The following HACD3 variants were observed in gnomAD, a reference collection of about 807,000 sequenced individuals.
HACD3 encodes the protein very-long-chain (3R)-3-hydroxyacyl-CoA dehydratase 3.
A neutral mutation model predicts 55.2 loss-of-function variants in HACD3; 30 were observed. The ratio of observed to expected loss-of-function variants is 0.54; its 90% CI spans 0.41 to 0.74. HACD3 has a LOEUF of 0.74. HACD3 is among the 30% of genes least tolerant of loss of function. The probability of loss-of-function intolerance (pLI) is 0.00; values close to 1 mark genes in which losing one functional copy is unlikely to be tolerated. For missense variants in HACD3, 363 were observed against 440.1 expected (o/e 0.82, Z 1.57); for synonymous variants, 141 against 151.7 (o/e 0.93, Z 0.52).
At chr15:65,561,210 T>C (rs989885416) in intron 5 of HACD3, among the ~76,000 whole-genome samples, 1 of 152,196 alleles carries the variant, frequency 6.6e-6, no homozygotes, top group Non-Finnish European at 1.5e-5. Flanking sequence ...CTCATGCCTG[T>C]AATCCCAGCA....
At chr15:65,544,798 G>C (rs1343129254) in intron 1 of HACD3, among the ~76,000 whole-genome samples, 1 of 152,174 alleles carries the variant, frequency 6.6e-6, no homozygotes, top group African/African-American at 2.4e-5. Context: ...GAGGCCAGCA[G>C]ATCACCAGAG....
chr15:65,531,022 C>G (rs1374337506), intron 1 of HACD3, among the ~76,000 whole-genome samples: 1 of 152,190 alleles, frequency 6.6e-6, no homozygotes, highest in African/African-American at 2.4e-5. Context: ...AGCCCAGGCC[C>G]GGCCCTGGCT....
chr15:65,561,994 G>T (rs1273181547), intron 5 of HACD3, among the ~76,000 whole-genome samples: 1 of 152,222 alleles, frequency 6.6e-6, no homozygotes, highest in Non-Finnish European at 1.5e-5. Flanking sequence ...TTAGGAGGAA[G>T]TATGGAGGAA....
chr15:65,537,948 AAAAAAAAAAAATATATATATATATATAT>A (rs1283700173), intron 1 of HACD3, among the ~76,000 whole-genome samples: 1,824 of 68,036 alleles, frequency 0.027, 92 homozygotes, highest in East Asian at 0.13. Flanking sequence ...AAAAAAAAAA[AAAAAAAAAAAATATATATATATATATAT>A]ATATATATAT....
At chr15:65,558,981 G>A (rs1336171714) in intron 5 of HACD3, among the ~76,000 whole-genome samples, 2 of 152,196 alleles carry the variant, frequency 1.3e-5, no homozygotes, top group African/African-American at 4.8e-5. Flanking sequence ...CAGAATGAAA[G>A]AACTCCTGGA....
At chr15:65,537,256 C>G (rs556467399) in intron 1 of HACD3, among the ~76,000 whole-genome samples, 30 of 152,288 alleles carry the variant, frequency 2.0e-4, no homozygotes, top group African/African-American at 7.0e-4. Flanking sequence ...GCAAGTTATC[C>G]AGAAGATCTA....
intron 7 of HACD3, among the ~76,000 whole-genome samples, chr15:65,568,280 T>G (rs760606137): frequency 2.0e-5 from 3 of 151,958 alleles, no homozygotes; most frequent in Non-Finnish European, 4.4e-5. Context: ...ATGGTGATTA[T>G]GGTTGCACAA....
At chr15:65,561,668 T>TC (rs1185288986) in intron 5 of HACD3, among the ~76,000 whole-genome samples, 1 of 152,042 alleles carries the variant, frequency 6.6e-6, no homozygotes, top group African/African-American at 2.4e-5. Context: ...GTGGGTTTTT[T>TC]CCCCCACATA....
rs199819573 is a variant in HACD3 at position 65,570,157 on chromosome 15, G to C, written c.727G>C (p.Val243Leu). Residue 243 changes from valine to leucine, a missense_variant, in exon 8 of 11, where the codon GTG (valine) becomes CTG (leucine). By Grantham distance (32) the Val-to-Leu change is conservative. Transcript: ENST00000261875. Reference sequence around the variant, plus strand: ...CATGGAAGAAATGCAGAACAAAGCTGTGGTTTTCTTTGTGTTTTATTTGTG... The same window carrying C: ...CATGGAAGAAATGCAGAACAAAGCTCTGGTTTTCTTTGTGTTTTATTTGTG... ...GTMEEMQNKA[V>L]VFFVFYLWSA... 85 of 1,612,950 alleles carry C rather than the reference G, an allele frequency of 5.3e-5. No homozygotes were observed. The highest frequency in any genetic ancestry group is 7.0e-5 in the Non-Finnish European group (83 of 1,179,334).
Position 65,558,924 on chromosome 15 carries a change from C to G in HACD3, c.421+193C>G, listed in dbSNP as rs561479398. ...TCAGAATCCTTACCTTTAATGTGTCCTTTGTGTTTTGGTTGTTATTTCATG... is the reference window on the plus strand; with the variant it reads ...TCAGAATCCTTACCTTTAATGTGTCGTTTGTGTTTTGGTTGTTATTTCATG... On this transcript the variant is annotated intron_variant, in intron 5 of 10. Transcript: ENST00000261875. 6.6e-5 allele frequency among the ~76,000 whole-genome samples: 10 copies of G among 152,244 alleles called. No homozygotes were observed. The South Asian group carries it at 1.9e-3, about 28-fold the overall frequency.
chr15:65,530,601 C>G lies in HACD3; in HGVS notation c.-31C>G. On this transcript the variant is annotated 5_prime_UTR_variant, in exon 1 of 11. Transcript: ENST00000261875. ...CCTGAGGCAGCGAGGCGCAGCGAGC[C>G]TAGCCTCCCCGCGCCCTGGGCAGTG... 2 of 1,547,684 alleles carry G rather than the reference C, an allele frequency of 1.3e-6. No homozygotes were observed. Among genetic ancestry groups the G allele is most frequent in the Non-Finnish European group, 1.7e-6 (2 of 1,144,306 alleles).
At chr15:65,553,968 G>C (rs1385858489) in intron 2 of HACD3, among the ~76,000 whole-genome samples, 1 of 152,224 alleles carries the variant, frequency 6.6e-6, no homozygotes, top group Non-Finnish European at 1.5e-5. Context: ...GGCCAACTCA[G>C]GTACTTCCCT....
chr15:65,570,244 T>C, intron 8 of HACD3, 41 bp downstream of exon 8: 1 of 1,365,570 alleles, frequency 7.3e-7, no homozygotes. Context: ...TGCTGCTCCC[T>C]GTTTGCAGCA....
chr15:65,551,655 A>G (rs751488882), intron 1 of HACD3, 21 bp from the exon 2 acceptor site: 4 of 1,613,890 alleles, frequency 2.5e-6, no homozygotes, highest in Non-Finnish European at 3.4e-6. Context: ...GCCTTCTTGC[A>G]TCCTTGGTCT....
chr15:65,533,744 T>TTA (rs1555482339), intron 1 of HACD3, among the ~76,000 whole-genome samples: 1 of 141,172 alleles, frequency 7.1e-6, no homozygotes, highest in African/African-American at 2.6e-5. Flanking sequence ...ATTTGTTATT[T>TTA]AAAAAAAAAA....
intron 1 of HACD3, chr15:65,535,825 A>G: frequency 1.6e-6 from 1 of 617,992 alleles, no homozygotes. Context: ...CCTACCAAGT[A>G]GGACTACAGG....
chr15:65,556,898 G>T lies in HACD3; in HGVS notation c.364G>T (p.Ala122Ser). ...ATCTGATGCGGAAATGGAGCTCAGA[G>T]CTAAGGTTAGTAAGGATCCTAGGAT... ...DESDAEMELR[A>S]KEEERLNKLR... The change falls in exon 4 of 11, where the codon GCT becomes TCT. Residue 122 changes from alanine to serine, a missense_variant. Physicochemically the swap from Ala to Ser is moderately conservative, Grantham distance 99. Transcript: ENST00000261875. 1.2e-6 allele frequency: 2 copies of T among 1,611,270 alleles called. No homozygotes were observed.
chr15:65,562,716 C>T (rs2072255462), intron 5 of HACD3, 58 bp from the exon 6 acceptor site: 1 of 1,580,792 alleles, frequency 6.3e-7, no homozygotes, highest in Non-Finnish European at 8.6e-7. Context: ...GCCTCATACA[C>T]CTGTCTCCTG....
intron 2 of HACD3, among the ~76,000 whole-genome samples, chr15:65,552,882 C>G (rs1170930901): frequency 1.3e-5 from 2 of 151,096 alleles, no homozygotes; most frequent in East Asian, 3.9e-4. Context: ...GTGATATTCC[C>G]CTTCCTGTGT....
Sources: gnomAD v4.1 joint callset for allele counts (sites outside exome capture counted in the v4.1 genomes callset) on GRCh38, gnomAD v4.1.1 for gene constraint, MANE v1.5 for transcripts, NCBI Gene and HGNC (gene_info 2026-07-23, HGNC 2026-07-21) for gene names.